TBC1D10A: variants seen among roughly 807,000 people sequenced by gnomAD.
TBC1D10A encodes EBP50-PDX interactor of 64 kDa.
TBC1D10A carries 24 observed loss-of-function variants against 52.9 expected under a neutral mutation model. The ratio of observed to expected loss-of-function variants is 0.45; its 90% confidence interval spans 0.33 to 0.64. The LOEUF (loss-of-function observed/expected upper bound fraction) is 0.64. TBC1D10A is among the 30% of genes least tolerant of loss of function. The pLI, the probability that TBC1D10A is intolerant of heterozygous loss-of-function variation, is 0.02. For synonymous variants in TBC1D10A, 278 were observed against 282.9 expected, an observed-to-expected ratio of 0.98 and a Z score of 0.17; for missense variants, 602 against 687.9, an observed-to-expected ratio of 0.88 and a Z score of 1.40.
intron 1 of TBC1D10A, among the ~76,000 whole-genome samples, chr22:30,308,954 A>C (rs1446775295): frequency 6.6e-6 from 1 of 152,212 alleles, no homozygotes; most frequent in East Asian, 1.9e-4. Context: ...AAAGCTAATA[A>C]GTAAGTAGCT....
chr22:30,324,400 C>T (rs185295950), intron 1 of TBC1D10A, among the ~76,000 whole-genome samples: 7 of 152,326 alleles, frequency 4.6e-5, no homozygotes, highest in Non-Finnish European at 8.8e-5. Flanking sequence ...GGTTGACTGA[C>T]AGGCTCCAGA....
intron 3 of TBC1D10A, chr22:30,296,130 T>C: frequency 2.6e-6 from 1 of 390,562 alleles, no homozygotes; most frequent in Non-Finnish European, 4.7e-6. Flanking sequence ...GAAGGACCTC[T>C]AGACATTTCA....
intron 1 of TBC1D10A, among the ~76,000 whole-genome samples, chr22:30,312,788 C>G (rs1302188369): frequency 6.6e-6 from 1 of 152,174 alleles, no homozygotes; most frequent in African/African-American, 2.4e-5. Context: ...CTCCTAACTA[C>G]TCCAGGGACA....
At chr22:30,315,268 G>A (rs1930511840) in intron 1 of TBC1D10A, among the ~76,000 whole-genome samples, 1 of 152,142 alleles carries the variant, frequency 6.6e-6, no homozygotes, top group Non-Finnish European at 1.5e-5. Flanking sequence ...AATGTCTGAG[G>A]TAAAATCTCA....
At chr22:30,322,172 G>A (rs1930667419) in intron 1 of TBC1D10A, among the ~76,000 whole-genome samples, 1 of 151,864 alleles carries the variant, frequency 6.6e-6, no homozygotes, top group Non-Finnish European at 1.5e-5. Context: ...GTAGAGACGG[G>A]GTTTCACCAT....
At position 30,294,108 on chromosome 22, in the gene TBC1D10A, C is replaced by T; in HGVS notation, c.708G>A (p.Glu236=). The T allele has an allele frequency of 6.2e-7, 1 of 1,613,338 alleles. No homozygotes were observed. Among genetic ancestry groups the T allele is most frequent in the South Asian group, 1.1e-5 (1 of 91,074 alleles). ...GGATCTCCCCGTCCAGCTGGATCGC[C>T]TCCTAGGGAGACATCGAGGCCACGG... The part of the protein sequence containing the change: ...YLPGYYSEKL[E]AIQLDGEILF... Residue 236 remains glutamate (E), a splice_region_variant and synonymous_variant, in exon 7 of 9, where the codon GAG becomes GAA. Coordinates refer to ENST00000215790, the MANE Select transcript of TBC1D10A (RefSeq NM_031937.3).
intron 2 of TBC1D10A, among the ~76,000 whole-genome samples, chr22:30,302,824 T>C (rs185241705): frequency 6.6e-6 from 1 of 152,272 alleles, no homozygotes; most frequent in Admixed American, 6.5e-5. Flanking sequence ...AATCCCGATT[T>C]TCAAGAACAC....
intron 1 of TBC1D10A, among the ~76,000 whole-genome samples, chr22:30,315,265 G>A (rs1930511674): frequency 6.6e-6 from 1 of 152,156 alleles, no homozygotes; most frequent in Non-Finnish European, 1.5e-5. Context: ...CTAAATGTCT[G>A]AGGTAAAATC....
At chr22:30,311,664 G>A (rs533556581) in intron 1 of TBC1D10A, among the ~76,000 whole-genome samples, 1 of 152,130 alleles carries the variant, frequency 6.6e-6, no homozygotes, top group African/African-American at 2.4e-5. Flanking sequence ...TACTCAGTGT[G>A]AGAAATGGTT....
At chr22:30,318,639 C>T (rs373486287) in intron 1 of TBC1D10A, 10 of 471,186 alleles carry the variant, frequency 2.1e-5, no homozygotes, top group Admixed American at 7.0e-5. Flanking sequence ...GCCACTTCAG[C>T]TAGTCCAGAG....
rs1387708731 is a variant in TBC1D10A at position 30,305,596 on chromosome 22, G to C, written c.210-966C>G. On this transcript the variant is annotated intron_variant, in intron 1 of 8. Transcript: ENST00000215790. ...CCTCTCAGAAAGGAGCACAGAGTCG[G>C]AGGCAGCTCAGAGGAGGTTCTCAGG... The C allele has an allele frequency of 3.3e-5, 5 of 152,410 alleles. No homozygotes were observed. In the East Asian group the frequency reaches 9.6e-4, roughly 29 times the overall value. The allele number at this position is 152,410 out of a possible 1,614,324, so 9.4% of individuals were successfully genotyped here. A position where few individuals can be genotyped will look rare whatever the true frequency, so the allele number is the denominator to read the frequency against.
At chr22:30,309,314 G>A (rs1930380253) in intron 1 of TBC1D10A, among the ~76,000 whole-genome samples, 1 of 150,440 alleles carries the variant, frequency 6.6e-6, no homozygotes, top group African/African-American at 2.4e-5. Flanking sequence ...TCAGCTCACT[G>A]CAACCTCCAC....
At chr22:30,299,796 G>A (rs1466010043) in intron 2 of TBC1D10A, 2 of 340,666 alleles carry the variant, frequency 5.9e-6, no homozygotes, top group Admixed American at 4.6e-5. Flanking sequence ...GTGAAACCCC[G>A]TGTCTACTAA....
rs1930015776 is a variant in TBC1D10A, at chr22:30,294,014, G to A, written c.802C>T (p.Leu268Phe). The A allele has an allele frequency of 6.2e-7, 1 of 1,614,192 alleles. No individual in the cohort carries two copies. Among genetic ancestry groups the A allele is most frequent in the South Asian group, 1.1e-5 (1 of 91,088 alleles). Reference protein sequence around the residue: ...KHLSRQKIDPLLYMTEWFMCA... With the variant: ...KHLSRQKIDPFLYMTEWFMCA... ...ATGAACCATTCTGTCATATAGAGGAGCGGGTCGATCTTCTGACGGCTGAGG... is the reference window on the plus strand; with the variant it reads ...ATGAACCATTCTGTCATATAGAGGAACGGGTCGATCTTCTGACGGCTGAGG... Residue 268 changes from leucine (L) to phenylalanine (F), a missense_variant, in exon 7 of 9, where the codon CTC becomes TTC. By Grantham distance (22) the Leu-to-Phe change is conservative. This residue lies in a region of TBC1D10A where 136 missense variants were observed against 208.4 expected (regional missense o/e 0.65). Coordinates refer to ENST00000215790, the MANE Select transcript of TBC1D10A (RefSeq NM_031937.3).
chr22:30,317,252 G>T (rs1305672555), intron 1 of TBC1D10A, among the ~76,000 whole-genome samples: 1 of 151,288 alleles, frequency 6.6e-6, no homozygotes, highest in African/African-American at 2.4e-5. Flanking sequence ...TACTAAAAAT[G>T]CAAAAATTAG....
At chr22:30,293,232 T>G in intron 8 of TBC1D10A, 1 of 615,980 alleles carries the variant, frequency 1.6e-6, no homozygotes, top group Non-Finnish European at 3.1e-6. Context: ...TGGGTGACTT[T>G]AAGGGGAGTT....
In TBC1D10A at chr22:30,316,438, C is replaced by T. The variant is rs141294831; in HGVS notation, c.209+10235G>A. On this transcript the variant is annotated intron_variant, in intron 1 of 8. Coordinates refer to ENST00000215790, the MANE Select transcript of TBC1D10A (RefSeq NM_031937.3). ...TTGCGTGGTACCACATAGAGAACTTCTCAAAGCACTGTTTTTGTTTTTGTT... is the reference window on the plus strand; with the variant it reads ...TTGCGTGGTACCACATAGAGAACTTTTCAAAGCACTGTTTTTGTTTTTGTT... Among the ~76,000 whole-genome samples the T allele has an allele frequency of 3.3e-5, 5 of 151,692 alleles. No homozygotes were observed. The East Asian group carries it at 9.7e-4, about 29-fold the overall frequency.
chr22:30,324,892 G>A (rs942303934), intron 1 of TBC1D10A, among the ~76,000 whole-genome samples: 6 of 152,114 alleles, frequency 3.9e-5, no homozygotes, highest in African/African-American at 1.2e-4. Context: ...ACATTGCTCT[G>A]CACCCCAAGA....
Position 30,326,698 on chromosome 22 carries a change from C to T in TBC1D10A, c.184G>A (p.Val62Met). ...GCGCCCTCGGCGCCCTGCGAGCCCACGATGAAGCCGAACTTGTCGATGCGG... is the reference window on the plus strand; with the variant it reads ...GCGCCCTCGGCGCCCTGCGAGCCCATGATGAAGCCGAACTTGTCGATGCGG... ...ERRIDKFGFI[V>M]GSQGAEGALE... The change falls in exon 1 of 9, where the codon GTG (valine) becomes ATG (methionine). Residue 62 changes from valine to methionine, a missense_variant. By Grantham distance (21) the Val-to-Met change is conservative. Around this residue, in one of 3 missense-constraint regions of TBC1D10A, gnomAD observed 201 missense variants for 204.4 expected, o/e 0.98. Transcript: ENST00000215790. 1.3e-6 allele frequency: 2 copies of T among 1,548,292 alleles called. No homozygotes were observed. The highest frequency in any genetic ancestry group is 1.9e-5 in the Admixed American group (1 of 53,940).
Sources: gnomAD v4.1 joint callset for allele counts (sites outside exome capture counted in the v4.1 genomes callset) on GRCh38, gnomAD v4.1.1 for gene constraint, gnomAD v4.1.1 regional missense constraint, MANE v1.5 for transcripts, NCBI Gene and HGNC (gene_info 2026-07-23, HGNC 2026-07-21) for gene names.